RAPGEF1: variants seen among roughly 807,000 people sequenced by gnomAD.
RAPGEF1 encodes the protein Rap guanine nucleotide exchange factor 1, also known as CRK SH3-binding GNRP.
In RAPGEF1, 33 loss-of-function variants were observed where a neutral mutation model predicts 143.3. That is an observed-to-expected ratio of 0.23 (90% CI 0.17 to 0.31). RAPGEF1 has a LOEUF of 0.31. RAPGEF1 is among the 10% of genes least tolerant of loss of function. The pLI, the probability that RAPGEF1 is intolerant of heterozygous loss-of-function variation, is 1.00. For missense variants in RAPGEF1, 1,199 were observed against 1,645.4 expected, an observed-to-expected ratio of 0.73 and a Z score of 4.69; for synonymous variants, 629 against 676.5, an observed-to-expected ratio of 0.93 and a Z score of 1.09.
intron 1 of RAPGEF1, among the ~76,000 whole-genome samples, chr9:131,651,307 C>G (rs1410364574): frequency 2.6e-5 from 4 of 152,306 alleles, no homozygotes; most frequent in Non-Finnish European, 5.9e-5. Context: ...GATGTGAGAA[C>G]TGGAAAGGAA....
At chr9:131,714,440 C>T (rs905869978) in intron 1 of RAPGEF1, among the ~76,000 whole-genome samples, 1 of 151,764 alleles carries the variant, frequency 6.6e-6, no homozygotes, top group African/African-American at 2.4e-5. Flanking sequence ...GGCTCTCAGG[C>T]GGGTACCCGG....
chr9:131,594,553 A>C (rs1168573981), intron 17 of RAPGEF1, among the ~76,000 whole-genome samples: 6 of 152,188 alleles, frequency 3.9e-5, no homozygotes. Context: ...GCTGCTCGTG[A>C]TGCTGGTGCA....
In RAPGEF1 at chr9:131,583,754, C is replaced by T. The variant is rs1952251076; in HGVS notation, c.3414+557G>A. Among the ~76,000 whole-genome samples, 1 of 152,204 alleles carries T rather than the reference C, an allele frequency of 6.6e-6. No individual in the cohort carries two copies. Among genetic ancestry groups the T allele is most frequent in the Non-Finnish European group, 1.5e-5 (1 of 68,034 alleles). ...TGTGGTCCCCTGGCCTCCTCCTGTC[C>T]CTGGAGGTGCTGACCCCCACCTGCT... On this transcript the variant is annotated intron_variant, in intron 24 of 26. Coordinates refer to ENST00000683357, the MANE Select transcript of RAPGEF1 (RefSeq NM_001377935.1). This position sits in a 1 kb window ranked among gnomAD's most constrained non-coding sequence, Gnocchi z 4.7.
intron 1 of RAPGEF1, among the ~76,000 whole-genome samples, chr9:131,659,176 G>A (rs1973321253): frequency 6.6e-6 from 1 of 152,166 alleles, no homozygotes; most frequent in Non-Finnish European, 1.5e-5. Context: ...GAGTGGAGGC[G>A]TGATTGAGGA....
intron 1 of RAPGEF1, among the ~76,000 whole-genome samples, chr9:131,733,045 G>T (rs1837182494): frequency 6.6e-6 from 1 of 152,156 alleles, no homozygotes; most frequent in Non-Finnish European, 1.5e-5. Flanking sequence ...CCCAGAGGAA[G>T]TTGATTTTGG....
intron 1 of RAPGEF1, among the ~76,000 whole-genome samples, chr9:131,719,886 CTT>C (rs34813794): frequency 6.4e-4 from 87 of 135,662 alleles, no homozygotes; most frequent in Admixed American, 8.1e-4. Context: ...TTCTTTCTTT[CTT>C]TTTTTTTTTT....
chr9:131,614,565 C>T (rs144513852), intron 12 of RAPGEF1, among the ~76,000 whole-genome samples: 29 of 152,304 alleles, frequency 1.9e-4, no homozygotes, highest in African/African-American at 7.0e-4. Context: ...GAGTGAGAGG[C>T]AGATGAATGG....
intron 12 of RAPGEF1, among the ~76,000 whole-genome samples, chr9:131,605,655 G>A (rs1421023022): frequency 2.6e-5 from 4 of 152,270 alleles, no homozygotes; most frequent in African/African-American, 9.6e-5. Context: ...AATGCTTTTG[G>A]AAAGGAGCGG....
chr9:131,617,402 T>G (rs187445986), intron 12 of RAPGEF1, among the ~76,000 whole-genome samples: 2 of 152,210 alleles, frequency 1.3e-5, no homozygotes, highest in Admixed American at 6.5e-5. Flanking sequence ...ATTGGGAGAA[T>G]GCACTCCAAG....
intron 1 of RAPGEF1, among the ~76,000 whole-genome samples, chr9:131,660,556 C>G (rs571853955): frequency 6.6e-6 from 1 of 152,130 alleles, no homozygotes; most frequent in African/African-American, 2.4e-5. Context: ...GTCAGGCCCC[C>G]GAATGAATAG....
rs1187509730 is a variant in RAPGEF1, at chr9:131,577,132, C to T, written c.*2365G>A. On this transcript the variant is annotated 3_prime_UTR_variant, in exon 27 of 27. Coordinates refer to ENST00000683357, the MANE Select transcript of RAPGEF1 (RefSeq NM_001377935.1). ...CACGGCCAGGCCGCAGCACTGAGCA[C>T]AGAGCTCAGCAATAACCAGGGCCAG... The T allele has an allele frequency of 6.6e-6, 1 of 152,348 alleles. No homozygotes were observed. Among genetic ancestry groups the T allele is most frequent in the Non-Finnish European group, 1.5e-5 (1 of 68,136 alleles). 9.4% of individuals were successfully genotyped at this position (152,348 alleles called of 1,614,324 possible).
chr9:131,735,944 T>C (rs1284621036), intron 1 of RAPGEF1, among the ~76,000 whole-genome samples: 1 of 152,330 alleles, frequency 6.6e-6, no homozygotes, highest in East Asian at 1.9e-4. Flanking sequence ...CAACCCAACA[T>C]ATCTGTGGAC....
chr9:131,732,796 TAGTA>T (rs1837164581), intron 1 of RAPGEF1, among the ~76,000 whole-genome samples: 1 of 152,248 alleles, frequency 6.6e-6, no homozygotes, highest in African/African-American at 2.4e-5. Flanking sequence ...CTCATTCTTT[TAGTA>T]AGTATTTACT....
rs1386798326 is a variant in RAPGEF1, at chr9:131,611,571, C to G, written c.2062-6383G>C. 4.6e-5 allele frequency among the ~76,000 whole-genome samples: 7 copies of G among 152,344 alleles called. No individual in the cohort carries two copies. The East Asian group carries it at 1.4e-3, about 29-fold the overall frequency. On this transcript the variant is annotated intron_variant, in intron 12 of 26. Transcript: ENST00000683357. ...ACATTCTAGGATGCTCTGTAATTCA[C>G]TAAGTGTTGATCTGAATAACATCAA...
intron 18 of RAPGEF1, among the ~76,000 whole-genome samples, chr9:131,590,598 G>A (rs978991900): frequency 6.6e-6 from 1 of 152,188 alleles, no homozygotes; most frequent in Non-Finnish European, 1.5e-5. Context: ...TTGTGGTCAG[G>A]GTTTCCTGCC....
intron 1 of RAPGEF1, among the ~76,000 whole-genome samples, chr9:131,731,628 A>C (rs1401188549): frequency 6.6e-6 from 1 of 152,180 alleles, no homozygotes; most frequent in African/African-American, 2.4e-5. Flanking sequence ...TGTCAGGTCC[A>C]CATCAGTGGC....
Position 131,641,118 on chromosome 9 carries a change from C to T in RAPGEF1, c.494+2121G>A, listed in dbSNP as rs905175041. Among the ~76,000 whole-genome samples the T allele has an allele frequency of 7.9e-5, 12 of 152,038 alleles. No homozygotes were observed. The highest frequency in any genetic ancestry group is 2.7e-4 in the African/African-American group (11 of 41,366). Reference sequence around the variant, plus strand: ...ACCATGTGACTTCATCAGTTCTTACCCAGGGTTTGCAAGTGACCTCCAAGC... The same window carrying T: ...ACCATGTGACTTCATCAGTTCTTACTCAGGGTTTGCAAGTGACCTCCAAGC... On this transcript the variant is annotated intron_variant, in intron 4 of 26. Transcript: ENST00000683357. The surrounding 1 kb of genome is among the most constrained non-coding windows in gnomAD (Gnocchi z 4.6).
chr9:131,694,752 G>GCCC (rs1309225942), intron 1 of RAPGEF1, among the ~76,000 whole-genome samples: 2 of 148,384 alleles, frequency 1.3e-5, no homozygotes, highest in Non-Finnish European at 3.0e-5. Flanking sequence ...AATTCCTGAT[G>GCCC]CCCCCTTATC....
At chr9:131,688,826 A>G (rs1425511723) in intron 1 of RAPGEF1, among the ~76,000 whole-genome samples, 1 of 152,200 alleles carries the variant, frequency 6.6e-6, no homozygotes, top group Non-Finnish European at 1.5e-5. Context: ...CGAACCCGGG[A>G]GGTGGAGGTT....
Sources: gnomAD v4.1 joint callset for allele counts (sites outside exome capture counted in the v4.1 genomes callset) on GRCh38, gnomAD v4.1.1 for gene constraint, Gnocchi (gnomAD v3.1) non-coding constraint, MANE v1.5 for transcripts, NCBI Gene and HGNC (gene_info 2026-07-23, HGNC 2026-07-21) for gene names.